The following AMER2 variants were observed in gnomAD, a reference collection of about 807,000 sequenced individuals.
The protein encoded by AMER2 is family with sequence similarity 123A.
In AMER2, 1 loss-of-function variant was observed where a neutral mutation model predicts 4.7. The ratio of observed to expected loss-of-function variants is 0.21; its 90% CI spans 0.07 to 1.00. The LOEUF is 1.00. Among genes scored for constraint, AMER2 ranks in the 50% least tolerant of loss-of-function variants. The pLI, the probability that AMER2 is intolerant of heterozygous loss-of-function variation, is 0.60. For synonymous variants in AMER2, 485 were observed against 433.3 expected (o/e 1.12, Z -1.48); for missense variants, 988 against 966.9 (o/e 1.02, Z -0.29).
At position 25,164,268 on chromosome 13, in the gene AMER2, C is replaced by G. The variant is rs1435331827; in HGVS notation, c.*5336G>C. 3 of 152,060 alleles carry G rather than the reference C, an allele frequency of 2.0e-5. No individual in the cohort carries two copies. Among genetic ancestry groups the G allele is most frequent in the Admixed American group, 6.6e-5 (1 of 15,266 alleles). The allele number at this position is 152,060 out of a possible 1,614,324, so 9.4% of individuals were successfully genotyped here. A position where few individuals can be genotyped will look rare whatever the true frequency, so the allele number is the denominator to read the frequency against. On this transcript the variant is annotated 3_prime_UTR_variant, in exon 1 of 1. Coordinates refer to ENST00000515384, the MANE Select transcript of AMER2 (RefSeq NM_152704.4). ...AAATATGCTTTGAATGAATGATACC[C>G]TGTCAGGGAAGAAGTATCGCCATGA...
chr13:25,171,580 T>G lies in AMER2; in HGVS notation c.40A>C (p.Ser14Arg). The change falls in exon 1 of 1, where the codon AGC (serine) becomes CGC (arginine). Residue 14 changes from serine (S) to arginine (R), a missense_variant. By Grantham distance (110) the Ser-to-Arg change is moderately radical. Coordinates refer to ENST00000515384, the MANE Select transcript of AMER2 (RefSeq NM_152704.4). This position sits in a 1 kb window ranked among gnomAD's most constrained non-coding sequence, Gnocchi z 5.9. Reference sequence around the variant, plus strand: ...GACGCGCCAGCTCCGCCGCGCTCGCTGACAGCCCCGCCGCCGCCGCGGCTC... The same window carrying G: ...GACGCGCCAGCTCCGCCGCGCTCGCGGACAGCCCCGCCGCCGCCGCGGCTC... ...SRSRGGGGAV[S>R]ERGGAGASVG... The G allele has an allele frequency of 6.6e-7, 1 of 1,522,442 alleles. No individual in the cohort carries two copies. The highest frequency in any genetic ancestry group is 8.7e-7 in the Non-Finnish European group (1 of 1,148,460). The allele number at this position is 1,522,442 out of a possible 1,614,324, so 94.3% of individuals were successfully genotyped here.
chr13:25,169,990 C>A lies in AMER2; in HGVS notation c.1630G>T (p.Gly544Cys), dbSNP rs370186716. Residue 544 changes from glycine to cysteine, a missense_variant, in exon 1 of 1, where the codon GGC becomes TGC. Transcript: ENST00000515384. This position sits in a 1 kb window ranked among gnomAD's most constrained non-coding sequence, Gnocchi z 4.2. Reference protein sequence around the residue: ...EDSSSSGKKAGIPRDSYSGDA... With the variant: ...EDSSSSGKKACIPRDSYSGDA... ...CCGCTGTAGCTATCCCGGGGGATGC[C>A]CGCCTTCTTCCCGCTGCTCGAGCTG... 1.2e-6 allele frequency: 2 copies of A among 1,613,934 alleles called. No homozygotes were observed. The highest frequency in any genetic ancestry group is 1.7e-6 in the Non-Finnish European group (2 of 1,179,944).
rs1172404942 is a variant in AMER2, at chr13:25,168,369, T to TTCC, written c.*1232_*1234dup. The TTCC allele has an allele frequency of 6.6e-6, 1 of 152,204 alleles. No individual in the cohort carries two copies. Among genetic ancestry groups the TTCC allele is most frequent in the Non-Finnish European group, 1.5e-5 (1 of 68,036 alleles). The allele number at this position is 152,204 out of a possible 1,614,324, so 9.4% of individuals were successfully genotyped here. A position where few individuals can be genotyped will look rare whatever the true frequency, so the allele number is the denominator to read the frequency against. The stretch of plus-strand genomic sequence containing the variant: ...TCTTTCTATTGTTTTTCTTTATGTG[T>TTCC]TCCTCATTTTGCACTCATTATATTG... On this transcript the variant is annotated 3_prime_UTR_variant, in exon 1 of 1. Transcript: ENST00000515384.
At position 25,162,036 on chromosome 13, in the gene AMER2, A is replaced by T. The variant is rs1444855085; in HGVS notation, c.*7568T>A. 1.3e-5 allele frequency: 2 copies of T among 152,212 alleles called. No homozygotes were observed. The highest frequency in any genetic ancestry group is 2.9e-5 in the Non-Finnish European group (2 of 68,044). 9.4% of individuals were successfully genotyped at this position (152,212 alleles called of 1,614,324 possible). A position where few individuals can be genotyped will look rare whatever the true frequency, so the allele number is the denominator to read the frequency against. On this transcript the variant is annotated 3_prime_UTR_variant, in exon 1 of 1. Coordinates refer to ENST00000515384, the MANE Select transcript of AMER2 (RefSeq NM_152704.4). Reference sequence around the variant, plus strand: ...TTAAAACAAGTTTTTAAAACATAGAATTAGTTCTAGGAGACAATTTTTGAT... The same window carrying T: ...TTAAAACAAGTTTTTAAAACATAGATTTAGTTCTAGGAGACAATTTTTGAT...
rs1020452944 is a variant in AMER2 at position 25,169,773 on chromosome 13, G to T, written c.1847C>A (p.Thr616Asn). ...SKIPISIKHLTNLPSSHPVVH... is the reference protein window; with the variant it reads ...SKIPISIKHLNNLPSSHPVVH... ...CACGGGATGGCTAGATGGAAGGTTG[G>T]TCAGGTGCTTGATGCTAATAGGGAT... is the stretch of plus-strand genomic sequence containing the variant. The change falls in exon 1 of 1, where the codon ACC becomes AAC. Residue 616 changes from threonine to asparagine, a missense_variant. Coordinates refer to ENST00000515384, the MANE Select transcript of AMER2 (RefSeq NM_152704.4). This position sits in a 1 kb window ranked among gnomAD's most constrained non-coding sequence, Gnocchi z 4.2. The T allele has an allele frequency of 1.9e-6, 3 of 1,614,076 alleles. No homozygotes were observed. In the African/African-American group the frequency reaches 4.0e-5, roughly 22 times the overall value.
chr13:25,166,865 C>T lies in AMER2; in HGVS notation c.*2739G>A, dbSNP rs896775648. 5.3e-5 allele frequency: 8 copies of T among 152,148 alleles called. No individual in the cohort carries two copies. The highest frequency in any genetic ancestry group is 1.4e-4 in the African/African-American group (6 of 41,442). The allele number at this position is 152,148 out of a possible 1,614,324, so 9.4% of individuals were successfully genotyped here. A position where few individuals can be genotyped will look rare whatever the true frequency, so the allele number is the denominator to read the frequency against. ...TGGAAAAAGTTGAGAATCTACTCTTCCTGCCACTCCAGGGATTTCCCATCA... is the reference window on the plus strand; with the variant it reads ...TGGAAAAAGTTGAGAATCTACTCTTTCTGCCACTCCAGGGATTTCCCATCA... On this transcript the variant is annotated 3_prime_UTR_variant, in exon 1 of 1. Transcript: ENST00000515384.
At position 25,166,330 on chromosome 13, in the gene AMER2, A is replaced by G. The variant is rs1283063892; in HGVS notation, c.*3274T>C. On this transcript the variant is annotated 3_prime_UTR_variant, in exon 1 of 1. Transcript: ENST00000515384. ...CTATATTCTATTGTTGTTATTAGAT[A>G]AAATAATAGAAATCTATTTACTCTT... 6.6e-6 allele frequency: 1 copy of G among 152,246 alleles called. No individual in the cohort carries two copies. The highest frequency in any genetic ancestry group is 1.5e-5 in the Non-Finnish European group (1 of 68,040). 9.4% of individuals were successfully genotyped at this position (152,246 alleles called of 1,614,324 possible).
rs996499282 is a variant in AMER2 at position 25,162,613 on chromosome 13, T to G, written c.*6991A>C. 3 of 152,260 alleles carry G rather than the reference T, an allele frequency of 2.0e-5. No homozygotes were observed. Among genetic ancestry groups the G allele is most frequent in the Admixed American group, 6.5e-5 (1 of 15,288 alleles). The allele number at this position is 152,260 out of a possible 1,614,324, so 9.4% of individuals were successfully genotyped here. A position where few individuals can be genotyped will look rare whatever the true frequency, so the allele number is the denominator to read the frequency against. On this transcript the variant is annotated 3_prime_UTR_variant, in exon 1 of 1. Transcript: ENST00000515384. Reference sequence around the variant, plus strand: ...TCAAGGCAAGTGAACAAGCATTTTCTGCATGTCTACTCCATGCCCCTATGT... The same window carrying G: ...TCAAGGCAAGTGAACAAGCATTTTCGGCATGTCTACTCCATGCCCCTATGT...
rs1182210437 is a variant in AMER2 at position 25,164,499 on chromosome 13, A to G, written c.*5105T>C. 4.0e-5 allele frequency: 6 copies of G among 149,174 alleles called. 1 individual carries two copies. The highest frequency in any genetic ancestry group is 7.5e-5 in the African/African-American group (3 of 40,062). The allele number at this position is 149,174 out of a possible 1,614,324, so 9.2% of individuals were successfully genotyped here. Reference sequence around the variant, plus strand: ...TCTTTCTATTAGAAGTGAGCTGACAATGACACTAAGCAGTGCTTAGCTCTC... The same window carrying G: ...TCTTTCTATTAGAAGTGAGCTGACAGTGACACTAAGCAGTGCTTAGCTCTC... On this transcript the variant is annotated 3_prime_UTR_variant, in exon 1 of 1. Coordinates refer to ENST00000515384, the MANE Select transcript of AMER2 (RefSeq NM_152704.4).
Position 25,164,401 on chromosome 13 carries a change from T to C in AMER2, c.*5203A>G, listed in dbSNP as rs981376975. ...ACTCAGCATAGCACAGTGGCAGGGT[T>C]CCCTGTATATGATTGTGAGCACCAT... is the stretch of plus-strand genomic sequence containing the variant. On this transcript the variant is annotated 3_prime_UTR_variant, in exon 1 of 1. Transcript: ENST00000515384. The C allele has an allele frequency of 6.6e-6, 1 of 151,648 alleles. No individual in the cohort carries two copies. Among genetic ancestry groups the C allele is most frequent in the African/African-American group, 2.4e-5 (1 of 41,236 alleles). The allele number at this position is 151,648 out of a possible 1,614,324, so 9.4% of individuals were successfully genotyped here.
At position 25,162,232 on chromosome 13, in the gene AMER2, C is replaced by T. The variant is rs1956416902; in HGVS notation, c.*7372G>A. 1 of 152,046 alleles carries T rather than the reference C, an allele frequency of 6.6e-6. No homozygotes were observed. Among genetic ancestry groups the T allele is most frequent in the Non-Finnish European group, 1.5e-5 (1 of 68,012 alleles). 9.4% of individuals were successfully genotyped at this position (152,046 alleles called of 1,614,324 possible). A position where few individuals can be genotyped will look rare whatever the true frequency, so the allele number is the denominator to read the frequency against. Reference sequence around the variant, plus strand: ...TTTCTCGTTTGGGTTATTTTTGTTACTATTTTCAAATAACCAGCAACTCCC... The same window carrying T: ...TTTCTCGTTTGGGTTATTTTTGTTATTATTTTCAAATAACCAGCAACTCCC... On this transcript the variant is annotated 3_prime_UTR_variant, in exon 1 of 1. Transcript: ENST00000515384.
Position 25,168,233 on chromosome 13 carries a change from A to T in AMER2, c.*1371T>A, listed in dbSNP as rs146373440. ...TAGAAGCAAACCACTTTTCAAAAAA[A>T]ACTTGGCATAAAGTGTTTACAATAC... On this transcript the variant is annotated 3_prime_UTR_variant, in exon 1 of 1. Coordinates refer to ENST00000515384, the MANE Select transcript of AMER2 (RefSeq NM_152704.4). 1.4e-4 allele frequency: 22 copies of T among 152,372 alleles called. No homozygotes were observed. The highest frequency in any genetic ancestry group is 5.1e-4 in the African/African-American group (21 of 41,584). 9.4% of individuals were successfully genotyped at this position (152,372 alleles called of 1,614,324 possible). A position where few individuals can be genotyped will look rare whatever the true frequency, so the allele number is the denominator to read the frequency against.
chr13:25,170,880 T>A lies in AMER2; in HGVS notation c.740A>T (p.Glu247Val). 3 of 1,458,110 alleles carry A rather than the reference T, an allele frequency of 2.1e-6. No individual in the cohort carries two copies. The South Asian group carries it at 4.3e-5, about 21-fold the overall frequency. 90.3% of individuals were successfully genotyped at this position (1,458,110 alleles called of 1,614,324 possible). A position where few individuals can be genotyped will look rare whatever the true frequency, so the allele number is the denominator to read the frequency against. ...VKEETPRAAR[E>V]PEEPSQDAPR... ...GGCGTCCTGGCTGGGCTCCTCCGGC[T>A]CGCGCGCGGCTCTGGGCGTCTCCTC... Residue 247 changes from glutamate to valine, a missense_variant, in exon 1 of 1, where the codon GAG becomes GTG. Physicochemically the swap from Glu to Val is moderately radical, Grantham distance 121 (BLOSUM62 -2). Transcript: ENST00000515384. This position sits in a 1 kb window ranked among gnomAD's most constrained non-coding sequence, Gnocchi z 7.3.
At position 25,171,806 on chromosome 13, in the gene AMER2, GGC is replaced by G. The variant is rs745671296; in HGVS notation, c.-189_-188del. ...AACCCACTTCCATCCGACTTGGCTC[GGC>G]GCTGCATGGCGTTTTTGTGGCAGGA... On this transcript the variant is annotated 5_prime_UTR_variant, in exon 1 of 1. An upstream open reading frame in the 5' UTR loses its in-frame stop. Transcript: ENST00000515384. The surrounding 1 kb of genome is among the most constrained non-coding windows in gnomAD (Gnocchi z 5.9). The G allele has an allele frequency of 1.7e-6, 2 of 1,200,734 alleles. No individual in the cohort carries two copies. The allele number at this position is 1,200,734 out of a possible 1,614,324, so 74.4% of individuals were successfully genotyped here.
At position 25,172,047 on chromosome 13, in the gene AMER2, ATCT is replaced by A. The variant is rs1313354224; in HGVS notation, c.-431_-429del. 1 of 174,142 alleles carries A rather than the reference ATCT, an allele frequency of 5.7e-6. No homozygotes were observed. Among genetic ancestry groups the A allele is most frequent in the Non-Finnish European group, 1.2e-5 (1 of 83,922 alleles). The allele number at this position is 174,142 out of a possible 1,614,324, so 10.8% of individuals were successfully genotyped here. On this transcript the variant is annotated 5_prime_UTR_variant, in exon 1 of 1. In the 5' UTR this introduces an upstream ATG that the reference lacks. Coordinates refer to ENST00000515384, the MANE Select transcript of AMER2 (RefSeq NM_152704.4). ...TTATCCTCTCTCCTAGACTCCCTGC[ATCT>A]TCATGCCTTTCCCAAGCCCTTCATG...
At position 25,171,203 on chromosome 13, in the gene AMER2, C is replaced by T; in HGVS notation, c.417G>A (p.Pro139=). Residue 139 remains proline, a synonymous_variant, in exon 1 of 1, where the codon CCG becomes CCA. Coordinates refer to ENST00000515384, the MANE Select transcript of AMER2 (RefSeq NM_152704.4). This position sits in a 1 kb window ranked among gnomAD's most constrained non-coding sequence, Gnocchi z 5.9. The part of the protein sequence containing the change: ...SGGGGGGRPN[P]GPPRAAGPGG... ...CGGGCCCTGCGGCTCTGGGGGGCCC[C>T]GGGTTCGGCCGCCCCCCGCCGCCCC... 7.2e-7 allele frequency: 1 copy of T among 1,391,066 alleles called. No individual in the cohort carries two copies. The highest frequency in any genetic ancestry group is 9.3e-7 in the Non-Finnish European group (1 of 1,076,986). The allele number at this position is 1,391,066 out of a possible 1,614,324, so 86.2% of individuals were successfully genotyped here.
At position 25,170,885 on chromosome 13, in the gene AMER2, C is replaced by A; in HGVS notation, c.735G>T (p.Ala245=). 1 of 1,458,182 alleles carries A rather than the reference C, an allele frequency of 6.9e-7. No individual in the cohort carries two copies. The highest frequency in any genetic ancestry group is 1.5e-5 in the African/African-American group (1 of 68,368). The allele number at this position is 1,458,182 out of a possible 1,614,324, so 90.3% of individuals were successfully genotyped here. The stretch of plus-strand genomic sequence containing the variant: ...CCTGGCTGGGCTCCTCCGGCTCGCG[C>A]GCGGCTCTGGGCGTCTCCTCCTTGA... ...ECVKEETPRA[A]REPEEPSQDA... The change falls in exon 1 of 1, where the codon GCG becomes GCT. Residue 245 remains alanine, a synonymous_variant. Coordinates refer to ENST00000515384, the MANE Select transcript of AMER2 (RefSeq NM_152704.4). The surrounding 1 kb of genome is among the most constrained non-coding windows in gnomAD (Gnocchi z 7.3).
Position 25,162,625 on chromosome 13 carries a change from C to G in AMER2, c.*6979G>C, listed in dbSNP as rs1956421934. ...AACAAGCATTTTCTGCATGTCTACT[C>G]CATGCCCCTATGTTATTGAACCAGA... On this transcript the variant is annotated 3_prime_UTR_variant, in exon 1 of 1. Coordinates refer to ENST00000515384, the MANE Select transcript of AMER2 (RefSeq NM_152704.4). 1 of 152,212 alleles carries G rather than the reference C, an allele frequency of 6.6e-6. No homozygotes were observed. The allele number at this position is 152,212 out of a possible 1,614,324, so 9.4% of individuals were successfully genotyped here.
chr13:25,171,041 C>G lies in AMER2; in HGVS notation c.579G>C (p.Gly193=). The change falls in exon 1 of 1, where the codon GGG becomes GGC. Residue 193 remains glycine, a synonymous_variant. Coordinates refer to ENST00000515384, the MANE Select transcript of AMER2 (RefSeq NM_152704.4). This position sits in a 1 kb window ranked among gnomAD's most constrained non-coding sequence, Gnocchi z 5.9. ...GCATGCCGCTGAACAGCCCCCGCAG[C>G]CCCCGCTTTTGTTTGCCGCCGGCCT... is the stretch of plus-strand genomic sequence containing the variant. ...ASKAGGKQKR[G]LRGLFSGMRW... is the part of the protein sequence containing the mutation. 2 of 1,573,960 alleles carry G rather than the reference C, an allele frequency of 1.3e-6. No individual in the cohort carries two copies. The highest frequency in any genetic ancestry group is 2.5e-5 in the East Asian group (1 of 39,532).
Sources: gnomAD v4.1 joint callset for allele counts on GRCh38, gnomAD v4.1.1 for gene constraint, Gnocchi (gnomAD v3.1) non-coding constraint, MANE v1.5 for transcripts, NCBI Gene and HGNC (gene_info 2026-07-23, HGNC 2026-07-21) for gene names.